The following CNTNAP2 variants were observed in gnomAD, a reference collection of about 807,000 sequenced individuals.
The protein encoded by CNTNAP2 is contactin-associated protein-like 2.
CNTNAP2 carries 98 observed loss-of-function variants against 155.2 expected under a neutral mutation model. The observed-to-expected ratio is 0.63, with a 90% CI of 0.54 to 0.75. The LOEUF (loss-of-function observed/expected upper bound fraction) is 0.75. CNTNAP2 is among the 30% of genes least tolerant of loss of function. The pLI is 0.00. For missense variants in CNTNAP2, 1,727 were observed against 1,688.1 expected, an observed-to-expected ratio of 1.02 and a Z score of -0.40; for synonymous variants, 651 against 631.2, an observed-to-expected ratio of 1.03 and a Z score of -0.47.
chr7:147,450,844 T>C (rs1204218752), intron 10 of CNTNAP2, among the ~76,000 whole-genome samples: 1 of 152,216 alleles, frequency 6.6e-6, no homozygotes, highest in African/African-American at 2.4e-5. Flanking sequence ...CATGTTATAA[T>C]TTTCTATGTA....
At chr7:147,778,090 G>C (rs1348747290) in intron 13 of CNTNAP2, among the ~76,000 whole-genome samples, 1 of 152,142 alleles carries the variant, frequency 6.6e-6, no homozygotes. Flanking sequence ...GGAGCTTCCA[G>C]AATACCTTCA....
intron 15 of CNTNAP2, among the ~76,000 whole-genome samples, chr7:147,980,933 C>CAAAAAAAAAA (rs34927518): frequency 2.3e-4 from 22 of 94,000 alleles, no homozygotes; most frequent in South Asian, 3.9e-4. Context: ...TCCATCTTAA[C>CAAAAAAAAAA]AAAAAAAAAA....
intron 8 of CNTNAP2, among the ~76,000 whole-genome samples, chr7:147,150,770 A>G (rs1801809752): frequency 6.6e-6 from 1 of 152,204 alleles, no homozygotes; most frequent in Non-Finnish European, 1.5e-5. Context: ...GTGAAAGTAC[A>G]AAAAACAGAA....
intron 21 of CNTNAP2, among the ~76,000 whole-genome samples, chr7:148,334,582 G>A (rs1798084571): frequency 6.6e-6 from 1 of 152,178 alleles, no homozygotes; most frequent in Admixed American, 6.5e-5. Flanking sequence ...GTAGCTATGA[G>A]AAATAGCCCC....
chr7:146,407,897 T>C (rs1487007779), intron 1 of CNTNAP2, among the ~76,000 whole-genome samples: 1 of 152,158 alleles, frequency 6.6e-6, no homozygotes, highest in Non-Finnish European at 1.5e-5. Flanking sequence ...ACTTAATGAA[T>C]ATAAAATATT....
chr7:147,414,717 G>T (rs2697454), intron 10 of CNTNAP2, among the ~76,000 whole-genome samples: 2 of 151,834 alleles, frequency 1.3e-5, no homozygotes, highest in African/African-American at 4.8e-5. Flanking sequence ...CAAGGTGGGC[G>T]GATCACGAGG....
At chr7:148,333,360 A>G (rs4725777) in intron 21 of CNTNAP2, among the ~76,000 whole-genome samples, 105,094 of 151,730 alleles carry the variant, frequency 0.69, 36,606 homozygotes, top group East Asian at 0.88. Context: ...CCTGGGAGGC[A>G]GAGGTTGCGG....
chr7:148,015,553 G>A (rs1355261492), intron 15 of CNTNAP2, among the ~76,000 whole-genome samples: 1 of 152,306 alleles, frequency 6.6e-6, no homozygotes, highest in East Asian at 1.9e-4. Flanking sequence ...CAGATGTACA[G>A]TATGATTTGG....
intron 1 of CNTNAP2, among the ~76,000 whole-genome samples, chr7:146,544,461 C>A (rs556288589): frequency 6.6e-6 from 1 of 152,070 alleles, no homozygotes; most frequent in South Asian, 2.1e-4. Flanking sequence ...TTGTTCTTCC[C>A]TGAGTAACAA....
chr7:147,713,423 G>T (rs1315877519), intron 13 of CNTNAP2, among the ~76,000 whole-genome samples: 1 of 152,030 alleles, frequency 6.6e-6, no homozygotes, highest in Non-Finnish European at 1.5e-5. Flanking sequence ...TGTGTGTCTA[G>T]ATCCTTTTAC....
At chr7:148,118,439 T>A (rs1319627269) in intron 16 of CNTNAP2, 151 bp downstream of exon 16, 1 of 850,638 alleles carries the variant, frequency 1.2e-6, no homozygotes, top group East Asian at 2.7e-5. Context: ...AAGCCTGAGT[T>A]TGGGCTCCAA....
At chr7:148,048,181 C>T (rs550016819) in intron 15 of CNTNAP2, among the ~76,000 whole-genome samples, 1 of 151,840 alleles carries the variant, frequency 6.6e-6, no homozygotes, top group African/African-American at 2.4e-5. Context: ...GCCTCGGCCT[C>T]CCAAAGTGCT....
intron 21 of CNTNAP2, among the ~76,000 whole-genome samples, chr7:148,375,470 T>C (rs1190603297): frequency 6.6e-6 from 1 of 150,502 alleles, no homozygotes; most frequent in African/African-American, 2.4e-5. Context: ...AGTGATTCTC[T>C]TGCCTCAGCC....
intron 12 of CNTNAP2, among the ~76,000 whole-genome samples, chr7:147,631,817 T>C (rs556945645): frequency 5.9e-5 from 9 of 152,290 alleles, no homozygotes; most frequent in South Asian, 2.1e-4. Flanking sequence ...GCTTAACTTA[T>C]GTAAAAAATC....
intron 3 of CNTNAP2, among the ~76,000 whole-genome samples, chr7:146,949,452 T>C (rs1797264914): frequency 6.6e-6 from 1 of 152,172 alleles, no homozygotes; most frequent in Non-Finnish European, 1.5e-5. Flanking sequence ...TAAACCTCTA[T>C]GGTCCTGAGG....
At chr7:148,389,604 T>G (rs1463569235) in intron 22 of CNTNAP2, 1 of 152,248 alleles carries the variant, frequency 6.6e-6, no homozygotes, top group African/African-American at 2.4e-5. Context: ...TTGCGTGAGA[T>G]CCAAGAACCC....
Position 146,962,577 on chromosome 7 carries a change from G to T in CNTNAP2, c.403-81330G>T, listed in dbSNP as rs1268562499. On this transcript the variant is annotated intron_variant, in intron 3 of 23. Coordinates refer to ENST00000361727, the MANE Select transcript of CNTNAP2 (RefSeq NM_014141.6). ...TTGTTTGTTTGTTTTTTGAGACAGA[G>T]TCTCGCTCTGTTTCCGAGGCTGGAG... Among the ~76,000 whole-genome samples the T allele has an allele frequency of 4.6e-5, 7 of 152,158 alleles. No individual in the cohort carries two copies. The East Asian group carries it at 1.3e-3, about 29-fold the overall frequency.
intron 2 of CNTNAP2, among the ~76,000 whole-genome samples, chr7:146,779,384 G>C (rs764522051): frequency 3.3e-5 from 5 of 152,188 alleles, no homozygotes; most frequent in Non-Finnish European, 7.3e-5. Context: ...CTAGGGAACA[G>C]TGGCACAGGG....
chr7:148,341,166 T>C (rs1206005243), intron 21 of CNTNAP2, among the ~76,000 whole-genome samples: 3 of 152,244 alleles, frequency 2.0e-5, no homozygotes, highest in African/African-American at 7.2e-5. Flanking sequence ...TTCCTCACGT[T>C]CTTTCCGCTT....
Sources: gnomAD v4.1 joint callset for allele counts (sites outside exome capture counted in the v4.1 genomes callset) on GRCh38, gnomAD v4.1.1 for gene constraint, MANE v1.5 for transcripts, NCBI Gene and HGNC (gene_info 2026-07-23, HGNC 2026-07-21) for gene names.